YEATS2: variants seen among roughly 807,000 people sequenced by gnomAD.
YEATS2 encodes YEATS domain-containing protein 2.
Under a neutral mutation model 163.2 loss-of-function variants are expected in YEATS2, and 77 were observed. That is an observed-to-expected ratio of 0.47 (90% CI 0.39 to 0.57). The LOEUF is 0.57. Among genes scored for constraint, YEATS2 ranks in the 20% least tolerant of loss-of-function variants. The probability of loss-of-function intolerance (pLI) is 0.00; values close to 1 mark genes in which losing one functional copy is unlikely to be tolerated. For synonymous variants in YEATS2, 631 were observed against 645.1 expected (o/e 0.98, Z 0.33); for missense variants, 1,549 against 1,729.8 (o/e 0.90, Z 1.85).
intron 9 of YEATS2, among the ~76,000 whole-genome samples, chr3:183,750,894 A>G (rs1045037217): frequency 6.6e-6 from 1 of 152,142 alleles, no homozygotes; most frequent in Admixed American, 6.5e-5. Context: ...ATTCCGTGTT[A>G]TATTTTTGCC....
chr3:183,704,635 CTTT>C (rs1242259842), intron 1 of YEATS2, among the ~76,000 whole-genome samples: 1 of 146,146 alleles, frequency 6.8e-6, no homozygotes. Flanking sequence ...ATTTTATGAA[CTTT>C]TTTTTTTTTG....
rs144519332 is a variant in YEATS2, at chr3:183,780,673, A to G, written c.2736+2973A>G. 1.1e-4 allele frequency among the ~76,000 whole-genome samples: 16 copies of G among 152,356 alleles called. No individual in the cohort carries two copies. The East Asian group carries it at 2.3e-3, about 22-fold the overall frequency. On this transcript the variant is annotated intron_variant, in intron 19 of 30. Coordinates refer to ENST00000305135, the MANE Select transcript of YEATS2 (RefSeq NM_018023.5). ...GCAAAATACATAAAGTGCAAAGACT[A>G]TTAGGAATATGAGGAGAATTTGATA... is the stretch of plus-strand genomic sequence containing the variant.
intron 1 of YEATS2, among the ~76,000 whole-genome samples, chr3:183,710,267 A>G (rs1715059135): frequency 6.6e-6 from 1 of 152,182 alleles, no homozygotes. Flanking sequence ...TAAAATCTAC[A>G]AGTCAGACAA....
intron 15 of YEATS2, among the ~76,000 whole-genome samples, chr3:183,763,214 T>C (rs917032096): frequency 2.6e-5 from 4 of 152,156 alleles, no homozygotes; most frequent in Non-Finnish European, 5.9e-5. Flanking sequence ...TAAATCCAGA[T>C]AGAATAGCTA....
chr3:183,706,084 G>GAGC (rs1188359482), intron 1 of YEATS2, among the ~76,000 whole-genome samples: 1 of 151,456 alleles, frequency 6.6e-6, no homozygotes, highest in Non-Finnish European at 1.5e-5. Flanking sequence ...TAGTAATATT[G>GAGC]AGCACTTCCA....
intron 1 of YEATS2, among the ~76,000 whole-genome samples, chr3:183,711,653 TATAACAGCAG>T (rs1243247340): frequency 6.6e-6 from 1 of 152,026 alleles, no homozygotes; most frequent in African/African-American, 2.4e-5. Context: ...AGATTAGTGA[TATAACAGCAG>T]ATAACAGCTG....
intron 26 of YEATS2, 76 bp downstream of exon 26, chr3:183,803,411 T>C (rs1193395991): frequency 5.9e-6 from 8 of 1,349,894 alleles, no homozygotes; most frequent in African/African-American, 1.5e-5. Context: ...GATTGCAGCA[T>C]ATTTGGTTGA....
Position 183,776,580 on chromosome 3 carries a change from T to C in YEATS2, c.2577+457T>C, listed in dbSNP as rs149453861. Among the ~76,000 whole-genome samples the C allele has an allele frequency of 5.7e-3, 870 of 152,212 alleles. 38 individuals are homozygous for C. The highest frequency in any genetic ancestry group is 0.053 in the Admixed American group (806 of 15,280). On this transcript the variant is annotated intron_variant, in intron 18 of 30. Coordinates refer to ENST00000305135, the MANE Select transcript of YEATS2 (RefSeq NM_018023.5). ...AACTATGTGTTTTTATCTTTTTTGC[T>C]TGCTTTGAGAGAAGAGGAAGTAGAG...
chr3:183,797,269 GAAAA>G (rs1167929691), intron 21 of YEATS2, among the ~76,000 whole-genome samples: 3 of 72,616 alleles, frequency 4.1e-5, no homozygotes, highest in Admixed American at 1.8e-4. Flanking sequence ...ATCCAACTCT[GAAAA>G]AAAAAAAAAA....
intron 19 of YEATS2, among the ~76,000 whole-genome samples, chr3:183,779,917 C>T (rs749461066): frequency 6.6e-5 from 10 of 151,470 alleles, no homozygotes; most frequent in South Asian, 2.1e-4. Context: ...AGGATGGTCT[C>T]GATCTCTTGA....
chr3:183,747,851 C>A, intron 9 of YEATS2, 135 bp downstream of exon 9: 4 of 638,356 alleles, frequency 6.3e-6, no homozygotes, highest in Non-Finnish European at 1.1e-5. Context: ...ATGATCTCGG[C>A]TCACTGCAAC....
intron 15 of YEATS2, among the ~76,000 whole-genome samples, chr3:183,771,542 CCTTTTT>C (rs1722466915): frequency 3.3e-5 from 2 of 60,812 alleles, no homozygotes; most frequent in African/African-American, 9.7e-5. Flanking sequence ...ATTATTCTTG[CCTTTTT>C]TTTTTTTTTT....
chr3:183,763,881 G>A lies in YEATS2; in HGVS notation c.1947+1602G>A, dbSNP rs1049736474. 2.6e-5 allele frequency among the ~76,000 whole-genome samples: 4 copies of A among 151,852 alleles called. No homozygotes were observed. The East Asian group carries it at 5.8e-4, about 22-fold the overall frequency. On this transcript the variant is annotated intron_variant, in intron 15 of 30. Coordinates refer to ENST00000305135, the MANE Select transcript of YEATS2 (RefSeq NM_018023.5). ...TCAGGAGTTTGAGACCAGCCTGTCC[G>A]ACGTGGTGAAACCCCATCTCTACTA... is the stretch of plus-strand genomic sequence containing the variant.
chr3:183,791,922 A>G (rs1724692834), intron 21 of YEATS2, among the ~76,000 whole-genome samples: 1 of 152,146 alleles, frequency 6.6e-6, no homozygotes, highest in Non-Finnish European at 1.5e-5. Flanking sequence ...CTCAGCTGTA[A>G]ATGAGATTGA....
At chr3:183,722,278 CTTTTTTTTTTTTTTTTTT>C in intron 5 of YEATS2, 142 bp downstream of exon 5, 1 of 307,820 alleles carries the variant, frequency 3.2e-6, no homozygotes, top group Non-Finnish European at 5.0e-6. Flanking sequence ...GAAACCAAAT[CTTTTTTTTTTTTTTTTTT>C]TTTTTTTTTT....
chr3:183,750,290 A>G (rs1388732348), intron 9 of YEATS2, among the ~76,000 whole-genome samples: 1 of 152,178 alleles, frequency 6.6e-6, no homozygotes, highest in African/African-American at 2.4e-5. Context: ...ATAATACTGC[A>G]TTGTATGTAT....
At chr3:183,769,601 C>T (rs972719218) in intron 15 of YEATS2, among the ~76,000 whole-genome samples, 1 of 152,166 alleles carries the variant, frequency 6.6e-6, no homozygotes, top group African/African-American at 2.4e-5. Flanking sequence ...AATAACTAAC[C>T]TGGAAAACCA....
At chr3:183,723,380 A>T (rs968309154) in intron 5 of YEATS2, among the ~76,000 whole-genome samples, 2 of 152,214 alleles carry the variant, frequency 1.3e-5, no homozygotes, top group African/African-American at 2.4e-5. Flanking sequence ...ACATACTTAG[A>T]TGTCAAGGGT....
At chr3:183,751,496 A>C (rs930918895) in intron 9 of YEATS2, among the ~76,000 whole-genome samples, 3 of 152,228 alleles carry the variant, frequency 2.0e-5, no homozygotes, top group African/African-American at 7.2e-5. Context: ...ATTATATCAG[A>C]AGGTACTTAT....
Sources: allele counts gnomAD v4.1 joint callset (sites outside exome capture counted in the v4.1 genomes callset), GRCh38; gene constraint gnomAD v4.1.1; transcripts MANE v1.5; gene names NCBI Gene and HGNC (gene_info 2026-07-23, HGNC 2026-07-21).